The following AXDND1 variants were observed in gnomAD, a reference collection of about 807,000 sequenced individuals.
AXDND1 encodes axonemal dynein light chain domain-containing protein 1.
Under a neutral mutation model 137.5 loss-of-function variants are expected in AXDND1, and 110 were observed. The observed-to-expected ratio is 0.80, with a 90% CI of 0.69 to 0.94. The LOEUF is 0.94. Ranked by LOEUF, AXDND1 falls within the 40% of genes least tolerant of loss-of-function variation. AXDND1 has a pLI of 0.00. For synonymous variants in AXDND1, 414 were observed against 399.7 expected, an observed-to-expected ratio of 1.04 and a Z score of -0.43; for missense variants, 1,191 against 1,169.8, an observed-to-expected ratio of 1.02 and a Z score of -0.26.
chr1:179,389,935 A>G lies in AXDND1; in HGVS notation c.864-3968A>G, dbSNP rs116435150. 3.8e-3 allele frequency among the ~76,000 whole-genome samples: 578 copies of G among 152,204 alleles called. 5 individuals are homozygous for G. The highest frequency in any genetic ancestry group is 0.013 in the African/African-American group (549 of 41,538). ...AAGGGCTGGATAATTCTTTCTGTCA[A>G]TGAATGAAAGATTAAACGACCAGTC... On this transcript the variant is annotated intron_variant, in intron 9 of 25. Coordinates refer to ENST00000367618, the MANE Select transcript of AXDND1 (RefSeq NM_144696.6).
chr1:179,523,693 G>T (rs1197744783), intron 21 of AXDND1, among the ~76,000 whole-genome samples: 1 of 152,100 alleles, frequency 6.6e-6, no homozygotes, highest in Non-Finnish European at 1.5e-5. Flanking sequence ...CCACATTGTT[G>T]CCTGCATCAG....
chr1:179,411,079 TA>T (rs1553262409), intron 11 of AXDND1, 66 bp from the exon 12 acceptor site: 2 of 1,294,654 alleles, frequency 1.5e-6, no homozygotes, highest in Non-Finnish European at 2.1e-6. Flanking sequence ...ATTTCTTTTT[TA>T]AAAAATATAT....
chr1:179,391,961 G>A (rs558050879), intron 9 of AXDND1, among the ~76,000 whole-genome samples: 1 of 152,242 alleles, frequency 6.6e-6, no homozygotes, highest in Non-Finnish European at 1.5e-5. Context: ...GTTTCCTGAG[G>A]CCTCCCCAGC....
chr1:179,475,917 C>T (rs1286824946), intron 17 of AXDND1, among the ~76,000 whole-genome samples: 3 of 152,174 alleles, frequency 2.0e-5, no homozygotes, highest in Admixed American at 6.5e-5. Context: ...GTGATTGGAT[C>T]ATGGGGGCTG....
chr1:179,490,089 A>C (rs1666704724), intron 18 of AXDND1, among the ~76,000 whole-genome samples: 1 of 152,176 alleles, frequency 6.6e-6, no homozygotes, highest in Non-Finnish European at 1.5e-5. Flanking sequence ...AGAAACATTT[A>C]CTAAGAACTT....
intron 16 of AXDND1, chr1:179,456,303 T>A: frequency 1.3e-6 from 1 of 747,248 alleles, no homozygotes; most frequent in Non-Finnish European, 2.4e-6. Flanking sequence ...GACGAAGTAT[T>A]GGCCTCCACC....
intron 25 of AXDND1, chr1:179,545,593 C>T (rs926287090): frequency 7.9e-5 from 12 of 152,302 alleles, no homozygotes; most frequent in African/African-American, 2.6e-4. Flanking sequence ...TATCTTTGCT[C>T]CTTCCCAGAG....
intron 20 of AXDND1, among the ~76,000 whole-genome samples, chr1:179,496,691 G>A (rs560834490): frequency 1.1e-4 from 16 of 151,854 alleles, no homozygotes; most frequent in Admixed American, 7.2e-4. Context: ...TGTTTTCTAC[G>A]TCCTTAATTT....
intron 14 of AXDND1, among the ~76,000 whole-genome samples, 164 bp from the exon 15 acceptor site, chr1:179,432,103 A>T (rs185729728): frequency 6.6e-6 from 1 of 152,202 alleles, no homozygotes; most frequent in Non-Finnish European, 1.5e-5. Context: ...TATGTTTACA[A>T]ATTTAATGAT....
In AXDND1 at chr1:179,438,232, C is replaced by A. The variant is rs185745488; in HGVS notation, c.1563+5890C>A. On this transcript the variant is annotated intron_variant, in intron 15 of 25. Transcript: ENST00000367618. Reference sequence around the variant, plus strand: ...TTGGATGTGAAAGCTACCGGCAAATCGGCTTTCACAAGGTCCCACAGATAC... The same window carrying A: ...TTGGATGTGAAAGCTACCGGCAAATAGGCTTTCACAAGGTCCCACAGATAC... 5.3e-3 allele frequency among the ~76,000 whole-genome samples: 801 copies of A among 152,192 alleles called. 9 individuals carry two copies. Among genetic ancestry groups the A allele is most frequent in the African/African-American group, 0.019 (777 of 41,520 alleles).
chr1:179,403,630 G>C (rs11805832), intron 11 of AXDND1, among the ~76,000 whole-genome samples: 2 of 152,210 alleles, frequency 1.3e-5, no homozygotes, highest in African/African-American at 2.4e-5. Context: ...CTGGAGTGCA[G>C]TGGTGCAATC....
At chr1:179,388,753 A>ATT (rs34937470) in intron 9 of AXDND1, among the ~76,000 whole-genome samples, 154 of 139,218 alleles carry the variant, frequency 1.1e-3, no homozygotes, top group African/African-American at 1.7e-3. Context: ...ATGCCTGGCT[A>ATT]TTTTTTTTTT....
chr1:179,546,390 C>A (rs1350331524), intron 25 of AXDND1: 1 of 152,068 alleles, frequency 6.6e-6, no homozygotes, highest in Non-Finnish European at 1.5e-5. Flanking sequence ...CAGTTCCACT[C>A]TCCCAAGTAA....
intron 15 of AXDND1, among the ~76,000 whole-genome samples, chr1:179,432,728 A>G (rs1004502374): frequency 2.0e-5 from 3 of 152,182 alleles, no homozygotes; most frequent in Non-Finnish European, 4.4e-5. Flanking sequence ...GCCCGACCAC[A>G]TCTCATTCTT....
intron 4 of AXDND1, among the ~76,000 whole-genome samples, chr1:179,376,369 T>A (rs1411485898): frequency 6.6e-6 from 1 of 152,198 alleles, no homozygotes; most frequent in East Asian, 1.9e-4. Context: ...TGGCCCTCTG[T>A]ATATGAGGGT....
chr1:179,538,048 T>A (rs1671733226), intron 25 of AXDND1, among the ~76,000 whole-genome samples: 1 of 152,216 alleles, frequency 6.6e-6, no homozygotes, highest in Non-Finnish European at 1.5e-5. Context: ...ATCCCCTTTA[T>A]CATTTTTTAT....
At chr1:179,410,839 A>G (rs963636368) in intron 11 of AXDND1, among the ~76,000 whole-genome samples, 8 of 152,214 alleles carry the variant, frequency 5.3e-5, no homozygotes, top group African/African-American at 1.4e-4. Flanking sequence ...TACCATTGGA[A>G]TATCATGTCA....
intron 16 of AXDND1, chr1:179,456,937 C>G: frequency 7.1e-7 from 1 of 1,413,434 alleles, no homozygotes; most frequent in South Asian, 1.1e-5. Context: ...TGATTTCAAT[C>G]ACTTCATTTT....
At chr1:179,372,132 A>G (rs964252250) in intron 4 of AXDND1, among the ~76,000 whole-genome samples, 2 of 152,228 alleles carry the variant, frequency 1.3e-5, no homozygotes, top group Admixed American at 6.5e-5. Flanking sequence ...AACTAATAGT[A>G]TGCATAACGA....
Sources: gnomAD v4.1 joint callset for allele counts (sites outside exome capture counted in the v4.1 genomes callset) on GRCh38, gnomAD v4.1.1 for gene constraint, MANE v1.5 for transcripts, NCBI Gene and HGNC (gene_info 2026-07-23, HGNC 2026-07-21) for gene names.